The following TBP variants were observed in gnomAD, a reference collection of about 807,000 sequenced individuals.
The protein encoded by TBP is TATA-box binding protein.
A neutral mutation model predicts 46.2 loss-of-function variants in TBP; 12 were observed. The ratio of observed to expected loss-of-function variants is 0.26; its 90% CI spans 0.17 to 0.42. The LOEUF is 0.42. Among genes scored for constraint, TBP ranks in the 10% least tolerant of loss-of-function variants. TBP has a pLI of 1.00. For synonymous variants in TBP, 157 were observed against 148.3 expected (o/e 1.06, Z -0.42); for missense variants, 229 against 403.1 (o/e 0.57, Z 3.70).
At position 170,559,701 on chromosome 6, in the gene TBP, G is replaced by A. The variant is rs139154045; in HGVS notation, c.55-2090G>A. Among the ~76,000 whole-genome samples, 348 of 152,350 alleles carry A rather than the reference G, an allele frequency of 2.3e-3. 3 individuals carry two copies. Among genetic ancestry groups the A allele is most frequent in the African/African-American group, 7.9e-3 (327 of 41,590 alleles). On this transcript the variant is annotated intron_variant, in intron 2 of 7. Transcript: ENST00000392092. ...TCTGGAAGATCTAGCTGAGATAATT[G>A]ATGAAGGTGACTATACTAAATAATA... is the stretch of plus-strand genomic sequence containing the variant.
Position 170,564,593 on chromosome 6 carries a change from C to T in TBP, c.546C>T (p.Thr182=), listed in dbSNP as rs767895067. The part of the protein sequence containing the change: ...VNLGCKLDLK[T]IALRARNAEY... ...TTGGTTGTAAACTTGACCTAAAGAC[C>T]ATTGCACTTCGTGCCCGAAACGCCG... Residue 182 remains threonine, a synonymous_variant, in exon 4 of 8, where the codon ACC becomes ACT. Coordinates refer to ENST00000392092, the MANE Select transcript of TBP (RefSeq NM_003194.5). 6.2e-7 allele frequency: 1 copy of T among 1,611,152 alleles called. No homozygotes were observed. The highest frequency in any genetic ancestry group is 8.5e-7 in the Non-Finnish European group (1 of 1,178,452).
At chr6:170,565,268 T>C (rs1386284802) in intron 4 of TBP, among the ~76,000 whole-genome samples, 1 of 152,252 alleles carries the variant, frequency 6.6e-6, no homozygotes, top group Non-Finnish European at 1.5e-5. Context: ...TGAGTGTCTG[T>C]GATATAAGAA....
Position 170,572,302 on chromosome 6 carries a change from T to C in TBP, c.*37T>C, listed in dbSNP as rs1433464235. ...TACCCTTGCCTCCCCCACCCCCTTC[T>C]TTTTTTTTTTTTAAACAAATCAGTT... On this transcript the variant is annotated 3_prime_UTR_variant, in exon 8 of 8. Transcript: ENST00000392092. 2.0e-5 allele frequency: 7 copies of C among 354,120 alleles called. No individual in the cohort carries two copies. Among genetic ancestry groups the C allele is most frequent in the South Asian group, 1.3e-4 (2 of 15,354 alleles). 21.9% of individuals were successfully genotyped at this position (354,120 alleles called of 1,614,324 possible). A position where few individuals can be genotyped will look rare whatever the true frequency, so the allele number is the denominator to read the frequency against.
In TBP at chr6:170,561,967, G is replaced by GCAA. The variant is rs766310518; in HGVS notation, c.233_234insACA (p.Gln95dup). ...AGCAGCAGCAACAGCAACAGCAGCAGCAGCAGCAGCAGCAGCAGCAGCAGC... is the reference window on the plus strand; with the variant it reads ...AGCAGCAGCAACAGCAACAGCAGCAGCAACAGCAGCAGCAGCAGCAGCAGCAGC... On this transcript the variant is annotated inframe_insertion, in exon 3 of 8. Transcript: ENST00000392092. The GCAA allele has an allele frequency of 2.3e-5, 16 of 708,478 alleles. No individual in the cohort carries two copies. In the South Asian group the frequency reaches 3.4e-4, roughly 15 times the overall value. The allele number at this position is 708,478 out of a possible 1,614,324, so 43.9% of individuals were successfully genotyped here. A position where few individuals can be genotyped will look rare whatever the true frequency, so the allele number is the denominator to read the frequency against.
intron 1 of TBP, among the ~76,000 whole-genome samples, chr6:170,555,564 G>T (rs1241237669): frequency 6.6e-6 from 1 of 152,092 alleles, no homozygotes; most frequent in Non-Finnish European, 1.5e-5. Context: ...TTTGTCTGAA[G>T]CCCTGATGTG....
chr6:170,567,934 ATAAAC>A (rs1393866211), intron 5 of TBP, among the ~76,000 whole-genome samples: 1 of 152,266 alleles, frequency 6.6e-6, no homozygotes, highest in African/African-American at 2.4e-5. Context: ...AACTGAACAA[ATAAAC>A]TAAAACTTTT....
intron 7 of TBP, 99 bp downstream of exon 7, chr6:170,571,603 C>T: frequency 1.1e-6 from 1 of 929,284 alleles, no homozygotes; most frequent in South Asian, 1.5e-5. Context: ...GGACAGTGGG[C>T]TAGCTTCTTG....
intron 2 of TBP, among the ~76,000 whole-genome samples, chr6:170,559,435 C>G (rs565754175): frequency 6.6e-6 from 1 of 152,300 alleles, no homozygotes; most frequent in South Asian, 2.1e-4. Flanking sequence ...GAAAGCAAAA[C>G]AGCCTTATTG....
intron 3 of TBP, among the ~76,000 whole-genome samples, chr6:170,564,038 T>A (rs758491469): frequency 6.6e-6 from 1 of 152,206 alleles, no homozygotes; most frequent in Non-Finnish European, 1.5e-5. Flanking sequence ...TTTGCCTTTT[T>A]TTTTTGCTAA....
At chr6:170,566,796 T>C in intron 4 of TBP, 122 bp from the exon 5 acceptor site, 1 of 655,978 alleles carries the variant, frequency 1.5e-6, no homozygotes, top group South Asian at 2.0e-5. Context: ...AACAAATATT[T>C]TGATAACTAG....
At chr6:170,566,767 C>T in intron 4 of TBP, 151 bp from the exon 5 acceptor site, 1 of 536,756 alleles carries the variant, frequency 1.9e-6, no homozygotes, top group South Asian at 2.7e-5. Context: ...AAATCCTTTA[C>T]AGATATACAG....
At chr6:170,563,549 C>T (rs1189683019) in intron 3 of TBP, among the ~76,000 whole-genome samples, 1 of 152,100 alleles carries the variant, frequency 6.6e-6, no homozygotes. Flanking sequence ...GGTGTGTATA[C>T]AAGGGTGATT....
At position 170,556,964 on chromosome 6, in the gene TBP, A is replaced by C. The variant is rs1382070512; in HGVS notation, c.-66A>C. 1 of 1,532,254 alleles carries C rather than the reference A, an allele frequency of 6.5e-7. No individual in the cohort carries two copies. The highest frequency in any genetic ancestry group is 9.0e-7 in the Non-Finnish European group (1 of 1,107,920). 94.9% of individuals were successfully genotyped at this position (1,532,254 alleles called of 1,614,324 possible). ...GAGTGTGCTGGAGATGCTCTAGGAA[A>C]AAATTGAATAGTGAGACGAGTTCCA... On this transcript the variant is annotated 5_prime_UTR_variant, in exon 2 of 8. Coordinates refer to ENST00000392092, the MANE Select transcript of TBP (RefSeq NM_003194.5).
Position 170,561,693 on chromosome 6 carries a change from A to G in TBP, c.55-98A>G. On this transcript the variant is annotated intron_variant, in intron 2 of 7. Transcript: ENST00000392092. ...AATAACCCCATTATTCTCCGAAGGC[A>G]TCTGTCTTTGCACACCTGACCTGCT... 3.9e-6 allele frequency: 6 copies of G among 1,526,944 alleles called. No homozygotes were observed. In the Middle Eastern group the frequency reaches 6.1e-4, roughly 156 times the overall value. The allele number at this position is 1,526,944 out of a possible 1,614,324, so 94.6% of individuals were successfully genotyped here.
intron 2 of TBP, among the ~76,000 whole-genome samples, chr6:170,558,309 G>A (rs555866968): frequency 6.6e-6 from 1 of 152,324 alleles, no homozygotes; most frequent in South Asian, 2.1e-4. Context: ...TTGTTTTGCA[G>A]CATAAGAGAT....
rs1779208810 is a variant in TBP, at chr6:170,564,541, A to T, written c.498-4A>T. 6.3e-7 allele frequency: 1 copy of T among 1,590,534 alleles called. No homozygotes were observed. The highest frequency in any genetic ancestry group is 8.6e-7 in the Non-Finnish European group (1 of 1,169,384). On this transcript the variant is annotated splice_region_variant and splice_polypyrimidine_tract_variant and intron_variant, in intron 3 of 7. Coordinates refer to ENST00000392092, the MANE Select transcript of TBP (RefSeq NM_003194.5). Reference sequence around the variant, plus strand: ...GTCGTGTTTTCTTTTTAAATCTCTTACAGAAATATTGTATCCACAGTGAAT... The same window carrying T: ...GTCGTGTTTTCTTTTTAAATCTCTTTCAGAAATATTGTATCCACAGTGAAT...
chr6:170,566,911 A>C lies in TBP; in HGVS notation c.586-7A>C. On this transcript the variant is annotated splice_region_variant and splice_polypyrimidine_tract_variant and intron_variant, in intron 4 of 7. Coordinates refer to ENST00000392092, the MANE Select transcript of TBP (RefSeq NM_003194.5). ...ACCTCACTAATGATTCTCTCTGACC[A>C]TTGTAGCGGTTTGCTGCGGTAATCA... 6.2e-7 allele frequency: 1 copy of C among 1,612,124 alleles called. No homozygotes were observed. The highest frequency in any genetic ancestry group is 1.3e-5 in the African/African-American group (1 of 75,010).
intron 5 of TBP, among the ~76,000 whole-genome samples, chr6:170,569,028 G>T (rs1250053364): frequency 6.6e-6 from 1 of 151,574 alleles, no homozygotes. Flanking sequence ...GACCAAGCTG[G>T]TCTCGAACTC....
rs146652853 is a variant in TBP at position 170,563,506 on chromosome 6, G to A, written c.498-1039G>A. Among the ~76,000 whole-genome samples, 825 of 152,324 alleles carry A rather than the reference G, an allele frequency of 5.4e-3. 10 individuals carry two copies. Among genetic ancestry groups the A allele is most frequent in the African/African-American group, 0.018 (763 of 41,564 alleles). On this transcript the variant is annotated intron_variant, in intron 3 of 7. Coordinates refer to ENST00000392092, the MANE Select transcript of TBP (RefSeq NM_003194.5). ...TGATAGATATACTAAAATCTACTTG[G>A]TATAGTTCATAAGTGGACAAATGCT...
Sources: allele counts gnomAD v4.1 joint callset (sites outside exome capture counted in the v4.1 genomes callset), GRCh38; gene constraint gnomAD v4.1.1; transcripts MANE v1.5; gene names NCBI Gene and HGNC (gene_info 2026-07-23, HGNC 2026-07-21).